The following HPD variants were observed in gnomAD, a reference collection of about 807,000 sequenced individuals.
HPD encodes the protein 4-hydroxyphenylpyruvic acid oxidase.
HPD carries 35 observed loss-of-function variants against 56.9 expected under a neutral mutation model. That is an observed-to-expected ratio of 0.62 (90% CI 0.47 to 0.82). HPD has a LOEUF of 0.82. HPD is among the 40% of genes least tolerant of loss of function. HPD has a pLI of 0.00. For synonymous variants in HPD, 186 were observed against 200.2 expected, an observed-to-expected ratio of 0.93 and a Z score of 0.60; for missense variants, 442 against 506.8, an observed-to-expected ratio of 0.87 and a Z score of 1.23.
rs767968204 is a variant in HPD at position 121,854,714 on chromosome 12, C to T, written c.403G>A (p.Val135Met). 1 of 1,613,606 alleles carries T rather than the reference C, an allele frequency of 6.2e-7. No individual in the cohort carries two copies. Among genetic ancestry groups the T allele is most frequent in the Admixed American group, 1.7e-5 (1 of 60,006 alleles). Reference sequence around the variant, plus strand: ...CAAAGGGAACTCACCGTCTGCAGCACAGCAAACTTCACCTTCCCAAACTTG... The same window carrying T: ...CAAAGGGAACTCACCGTCTGCAGCATAGCAAACTTCACCTTCCCAAACTTG... ...QDKFGKVKFA[V>M]LQTYGDTTHT... The change falls in exon 7 of 14, where the codon GTG (valine) becomes ATG (methionine). Residue 135 changes from valine to methionine, a missense_variant. Transcript: ENST00000289004.
the HPD span, among the ~76,000 whole-genome samples, chr12:121,884,609 C>A: frequency 6.6e-6 from 1 of 151,286 alleles, no homozygotes; most frequent in Non-Finnish European, 1.5e-5. Context: ...ACCTGTATCT[C>A]TCTCTCTCTC....
chr12:121,849,641 A>G (rs1298183595), intron 8 of HPD, 46 bp downstream of exon 8: 2 of 1,246,854 alleles, frequency 1.6e-6, no homozygotes, highest in Non-Finnish European at 2.4e-6. Flanking sequence ...TACTTTTCAC[A>G]GTCCCTCAGG....
chr12:121,860,813 G>A (rs1011204464), upstream of HPD, among the ~76,000 whole-genome samples: 3 of 152,144 alleles, frequency 2.0e-5, no homozygotes, highest in East Asian at 5.8e-4. Context: ...GGCTGAGGTG[G>A]GAGGATCACT....
Position 121,856,713 on chromosome 12 carries a change from C to A in HPD, c.199-88G>T, listed in dbSNP as rs1187455574. The A allele has an allele frequency of 4.1e-6, 5 of 1,227,464 alleles. No individual in the cohort carries two copies. In the African/African-American group the frequency reaches 7.4e-5, roughly 18 times the overall value. 76.0% of individuals were successfully genotyped at this position (1,227,464 alleles called of 1,614,324 possible). ...TCGGCCCCTCCCTGCCGACCCGAAA[C>A]ACCCCTGATGGAGCACAAGAACTCC... On this transcript the variant is annotated intron_variant, in intron 4 of 13. Transcript: ENST00000289004.
chr12:121,866,300 C>CA (rs71453584), upstream of HPD, among the ~76,000 whole-genome samples: 586 of 94,932 alleles, frequency 6.2e-3, 1 homozygote, highest in Non-Finnish European at 8.3e-3. Context: ...GACTCCGCCT[C>CA]AAAAAAAAAA....
chr12:121,849,918 T>G (rs1233941852), intron 7 of HPD, 128 bp from the exon 8 acceptor site: 2 of 698,402 alleles, frequency 2.9e-6, no homozygotes, highest in East Asian at 5.5e-5. Flanking sequence ...TGCGTGATCT[T>G]GGGTAAGTCA....
In HPD at chr12:121,849,058, C is replaced by T. The variant is rs2137618516; in HGVS notation, c.537G>A (p.Glu179=). The T allele has an allele frequency of 1.9e-6, 3 of 1,613,858 alleles. No individual in the cohort carries two copies. The highest frequency in any genetic ancestry group is 2.5e-6 in the Non-Finnish European group (3 of 1,179,894). ...LLPKLPKCSL[E]MIDHIVGNQP... ...GGTTTCCCACAATGTGGTCGATCAT[C>T]TCCAGACTGCATTTGGGCCTGGGAA... is the stretch of plus-strand genomic sequence containing the variant. The change falls in exon 9 of 14, where the codon GAG becomes GAA. Residue 179 remains glutamate (E), a synonymous_variant. Coordinates refer to ENST00000289004, the MANE Select transcript of HPD (RefSeq NM_002150.3).
the HPD span, among the ~76,000 whole-genome samples, chr12:121,872,429 C>G: frequency 7.2e-5 from 11 of 151,840 alleles, no homozygotes; most frequent in Non-Finnish European, 1.0e-4. Context: ...CGGGGTTTCA[C>G]CATGTTGGCC....
At position 121,856,710 on chromosome 12, in the gene HPD, A is replaced by T. The variant is rs551264312; in HGVS notation, c.199-85T>A. On this transcript the variant is annotated intron_variant, in intron 4 of 13. Coordinates refer to ENST00000289004, the MANE Select transcript of HPD (RefSeq NM_002150.3). ...CCATCGGCCCCTCCCTGCCGACCCGAAACACCCCTGATGGAGCACAAGAAC... is the reference window on the plus strand; with the variant it reads ...CCATCGGCCCCTCCCTGCCGACCCGTAACACCCCTGATGGAGCACAAGAAC... The T allele has an allele frequency of 3.2e-5, 40 of 1,269,380 alleles. No individual in the cohort carries two copies. In the East Asian group the frequency reaches 9.2e-4, roughly 29 times the overall value. 78.6% of individuals were successfully genotyped at this position (1,269,380 alleles called of 1,614,324 possible).
At chr12:121,885,171 G>A in the HPD span, among the ~76,000 whole-genome samples, 15 of 151,204 alleles carry the variant, frequency 9.9e-5, no homozygotes, top group South Asian at 2.1e-4. Flanking sequence ...GATTACAGGC[G>A]TGAGCCACCA....
intron 7 of HPD, 111 bp from the exon 8 acceptor site, chr12:121,849,901 A>AACC (rs775789596): frequency 2.8e-5 from 20 of 718,966 alleles, no homozygotes; most frequent in Non-Finnish European, 5.1e-5. Flanking sequence ...ATCTGACCCT[A>AACC]ACCAGATGCG....
the HPD span, among the ~76,000 whole-genome samples, chr12:121,877,794 C>T: frequency 6.6e-6 from 1 of 152,078 alleles, no homozygotes; most frequent in Non-Finnish European, 1.5e-5. Flanking sequence ...CATCCCACCC[C>T]CACACTCTGC....
At chr12:121,855,216 C>G (rs539401350) in intron 6 of HPD, among the ~76,000 whole-genome samples, 2 of 152,304 alleles carry the variant, frequency 1.3e-5, no homozygotes, top group South Asian at 4.1e-4. Flanking sequence ...ATTCTAACCT[C>G]GTTCATCCTC....
the HPD span, among the ~76,000 whole-genome samples, chr12:121,882,916 T>G: frequency 4.6e-5 from 7 of 152,090 alleles, no homozygotes; most frequent in Admixed American, 1.3e-4. Context: ...TTAGTAGAGA[T>G]GGGGTTTCAC....
At chr12:121,849,186 A>AT (rs1272650103) in intron 8 of HPD, 110 bp from the exon 9 acceptor site, 87 of 729,590 alleles carry the variant, frequency 1.2e-4, no homozygotes, top group Non-Finnish European at 1.8e-4. Flanking sequence ...TTGGAGTTCT[A>AT]TTTTTTTGTA....
chr12:121,865,161 G>A (rs993327392), upstream of HPD, among the ~76,000 whole-genome samples: 3 of 151,950 alleles, frequency 2.0e-5, no homozygotes, highest in East Asian at 3.9e-4. Flanking sequence ...TCGGCTACTC[G>A]GGAGGGTGAG....
chr12:121,848,559 G>C (rs1433297652), intron 9 of HPD, among the ~76,000 whole-genome samples: 1 of 150,526 alleles, frequency 6.6e-6, no homozygotes, highest in Non-Finnish European at 1.5e-5. Flanking sequence ...TGATCCACCC[G>C]CCTCCGCCTC....
intron 7 of HPD, among the ~76,000 whole-genome samples, chr12:121,850,270 A>C (rs1377981729): frequency 6.6e-6 from 1 of 151,604 alleles, no homozygotes; most frequent in Admixed American, 6.6e-5. Context: ...AAAATACAAA[A>C]AATTAGCCGG....
intron 8 of HPD, 54 bp downstream of exon 8, chr12:121,849,633 C>A: frequency 1.7e-6 from 2 of 1,196,888 alleles, no homozygotes; most frequent in South Asian, 1.2e-5. Flanking sequence ...AGGGGCATTA[C>A]TTTTCACAGT....
Sources: gnomAD v4.1 joint callset for allele counts (sites outside exome capture counted in the v4.1 genomes callset) on GRCh38, gnomAD v4.1.1 for gene constraint, MANE v1.5 for transcripts, NCBI Gene and HGNC (gene_info 2026-07-23, HGNC 2026-07-21) for gene names.